PLEKHA6: variants seen among roughly 807,000 people sequenced by gnomAD.
The protein encoded by PLEKHA6 is pleckstrin homology domain-containing family A member 6.
PLEKHA6 carries 60 observed loss-of-function variants against 116.7 expected under a neutral mutation model. That is an observed-to-expected ratio of 0.51 (90% confidence interval 0.42 to 0.64). The LOEUF (loss-of-function observed/expected upper bound fraction) is 0.64. Among genes scored for constraint, PLEKHA6 ranks in the 30% least tolerant of loss-of-function variants. The pLI, the probability that PLEKHA6 is intolerant of heterozygous loss-of-function variation, is 0.00. For synonymous variants in PLEKHA6, 489 were observed against 556.1 expected (o/e 0.88, Z 1.70); for missense variants, 1,338 against 1,422.7 (o/e 0.94, Z 0.96).
chr1:204,230,063 G>T (rs941870308), intron 18 of PLEKHA6, among the ~76,000 whole-genome samples: 1 of 152,244 alleles, frequency 6.6e-6, no homozygotes, highest in African/African-American at 2.4e-5. Context: ...AGCCAGCCCA[G>T]TGCTAGGCAC....
At chr1:204,373,645 G>A (rs568942321) in intron 1 of PLEKHA6, among the ~76,000 whole-genome samples, 5 of 152,298 alleles carry the variant, frequency 3.3e-5, no homozygotes, top group African/African-American at 9.6e-5. Context: ...CTGAACTTAC[G>A]GGTTGTTTTC....
intron 1 of PLEKHA6, among the ~76,000 whole-genome samples, chr1:204,275,997 A>G (rs897139597): frequency 2.0e-5 from 3 of 152,186 alleles, no homozygotes; most frequent in African/African-American, 7.2e-5. Flanking sequence ...CAGCAGAGGA[A>G]GGAGATCTTA....
At chr1:204,254,713 C>T (rs979558141) in intron 9 of PLEKHA6, among the ~76,000 whole-genome samples, 8 of 152,128 alleles carry the variant, frequency 5.3e-5, no homozygotes. Context: ...CTGAAAAATG[C>T]TTAGAATAGT....
At chr1:204,302,876 C>T (rs925296669) in intron 1 of PLEKHA6, among the ~76,000 whole-genome samples, 2 of 148,356 alleles carry the variant, frequency 1.3e-5, no homozygotes, top group African/African-American at 5.0e-5. Flanking sequence ...AACTCCATCT[C>T]AAAGAAAAAG....
chr1:204,297,691 A>C (rs1300069165), intron 1 of PLEKHA6: 1 of 157,554 alleles, frequency 6.3e-6, no homozygotes, highest in Non-Finnish European at 1.4e-5. Context: ...AAAATGCCTA[A>C]AACGATGCCT....
At chr1:204,306,516 A>G (rs1029164644) in intron 1 of PLEKHA6, among the ~76,000 whole-genome samples, 10 of 152,224 alleles carry the variant, frequency 6.6e-5, no homozygotes, top group Non-Finnish European at 1.0e-4. Flanking sequence ...TGAGGCACTG[A>G]GAAGAAAGTG....
At chr1:204,244,791 T>C in intron 15 of PLEKHA6, 73 bp downstream of exon 15, 1 of 1,187,316 alleles carries the variant, frequency 8.4e-7, no homozygotes, top group Non-Finnish European at 1.2e-6. Context: ...GGCACAGAAG[T>C]TGTATAGTTT....
chr1:204,266,861 T>C (rs1666888678), intron 5 of PLEKHA6, among the ~76,000 whole-genome samples: 1 of 152,126 alleles, frequency 6.6e-6, no homozygotes, highest in Non-Finnish European at 1.5e-5. Context: ...ACCTCAACCC[T>C]TGCTGGTGCC....
intron 12 of PLEKHA6, among the ~76,000 whole-genome samples, chr1:204,248,100 T>G (rs942333530): frequency 2.0e-5 from 3 of 151,458 alleles, no homozygotes; most frequent in Non-Finnish European, 4.4e-5. Flanking sequence ...CTCCAAGCAG[T>G]CTGTGTCGGA....
At chr1:204,254,099 C>G (rs1248335322) in intron 9 of PLEKHA6, among the ~76,000 whole-genome samples, 1 of 152,180 alleles carries the variant, frequency 6.6e-6, no homozygotes, top group Non-Finnish European at 1.5e-5. Flanking sequence ...GGTGGGTGGG[C>G]CATGAGCCCT....
In PLEKHA6 at chr1:204,221,557, T is replaced by G. The variant is rs898514257; in HGVS notation, c.*1231A>C. The G allele has an allele frequency of 6.6e-6, 1 of 152,578 alleles. No homozygotes were observed. Among genetic ancestry groups the G allele is most frequent in the African/African-American group, 2.4e-5 (1 of 41,410 alleles). 9.5% of individuals were successfully genotyped at this position (152,578 alleles called of 1,614,324 possible). A position where few individuals can be genotyped will look rare whatever the true frequency, so the allele number is the denominator to read the frequency against. ...GATGCCTGGGATAGGGGGATAGGCC[T>G]CCCAGATTAAGGCCTCATCCCCCCT... On this transcript the variant is annotated 3_prime_UTR_variant, in exon 23 of 23. Transcript: ENST00000272203.
At chr1:204,314,703 T>G (rs1671788543) in intron 1 of PLEKHA6, among the ~76,000 whole-genome samples, 1 of 152,220 alleles carries the variant, frequency 6.6e-6, no homozygotes, top group African/African-American at 2.4e-5. Flanking sequence ...TTGTCTTTCT[T>G]CTAGGCCCTT....
intron 15 of PLEKHA6, among the ~76,000 whole-genome samples, chr1:204,243,843 T>C (rs6660857): frequency 0.52 from 79,268 of 151,916 alleles, 21,318 homozygotes; most frequent in African/African-American, 0.66. Context: ...TTTTTTGAGA[T>C]GGAGTCTGGC....
At chr1:204,368,080 T>C (rs1032182717) in intron 2 of PLEKHA6, among the ~76,000 whole-genome samples, 5 of 152,216 alleles carry the variant, frequency 3.3e-5, no homozygotes, top group African/African-American at 4.8e-5. Context: ...GTGGACGGGA[T>C]GTCCTCCGTC....
At chr1:204,376,095 T>C (rs1340527531) in intron 1 of PLEKHA6, among the ~76,000 whole-genome samples, 2 of 152,172 alleles carry the variant, frequency 1.3e-5, no homozygotes, top group African/African-American at 4.8e-5. Context: ...TAACTTAAAG[T>C]AAAAACCTAT....
rs73073719 is a variant in PLEKHA6 at position 204,219,638 on chromosome 1, T to C, written c.*3150A>G. Reference sequence around the variant, plus strand: ...AATGCCCCAGGTGGGAGGCCAGGCTTCAAACGCTGGCCAGGAGCTCTGCTC... The same window carrying C: ...AATGCCCCAGGTGGGAGGCCAGGCTCCAAACGCTGGCCAGGAGCTCTGCTC... On this transcript the variant is annotated 3_prime_UTR_variant, in exon 23 of 23. Coordinates refer to ENST00000272203, the MANE Select transcript of PLEKHA6 (RefSeq NM_014935.5). 0.11 allele frequency: 17,034 copies of C among 152,202 alleles called. 1,242 individuals carry two copies. Among genetic ancestry groups the C allele is most frequent in the African/African-American group, 0.19 (8,069 of 41,474 alleles). 9.4% of individuals were successfully genotyped at this position (152,202 alleles called of 1,614,324 possible).
At chr1:204,304,301 G>C (rs530171049) in intron 1 of PLEKHA6, among the ~76,000 whole-genome samples, 2 of 152,152 alleles carry the variant, frequency 1.3e-5, no homozygotes, top group South Asian at 2.1e-4. Context: ...TTCCTTCACC[G>C]GGGGCCTGAC....
intron 1 of PLEKHA6, among the ~76,000 whole-genome samples, chr1:204,305,543 G>A (rs1320728444): frequency 9.2e-5 from 14 of 152,180 alleles, no homozygotes; most frequent in Non-Finnish European, 2.1e-4. Context: ...CACTGCTTAG[G>A]GAAGAAGAGG....
intron 1 of PLEKHA6, among the ~76,000 whole-genome samples, chr1:204,372,445 T>C (rs988711869): frequency 1.3e-5 from 2 of 152,174 alleles, no homozygotes; most frequent in African/African-American, 4.8e-5. Flanking sequence ...CTGACTGTCT[T>C]GGCTACTTCA....
Sources: allele counts gnomAD v4.1 joint callset (sites outside exome capture counted in the v4.1 genomes callset), GRCh38; gene constraint gnomAD v4.1.1; transcripts MANE v1.5; gene names NCBI Gene and HGNC (gene_info 2026-07-23, HGNC 2026-07-21).